Variants in ARHGEF37 observed in about 807,000 individuals in gnomAD.
ARHGEF37 encodes the protein Rho guanine nucleotide exchange factor (GEF) 37.
A neutral mutation model predicts 71.1 loss-of-function variants in ARHGEF37; 55 were observed. That is an observed-to-expected ratio of 0.77 (90% CI 0.62 to 0.97). The LOEUF (loss-of-function observed/expected upper bound fraction) is 0.97. Ranked by LOEUF, ARHGEF37 falls within the 50% of genes least tolerant of loss-of-function variation. The pLI, the probability that ARHGEF37 is intolerant of heterozygous loss-of-function variation, is 0.00. For missense variants in ARHGEF37, 765 were observed against 836.8 expected, an observed-to-expected ratio of 0.91 and a Z score of 1.06; for synonymous variants, 327 against 350.6, an observed-to-expected ratio of 0.93 and a Z score of 0.75.
At chr5:149,555,124 CTG>C (rs1398724284) in intron 1 of ARHGEF37, among the ~76,000 whole-genome samples, 2 of 137,942 alleles carry the variant, frequency 1.4e-5, no homozygotes, top group Non-Finnish European at 3.1e-5. Flanking sequence ...GAGTGAGACT[CTG>C]TCTCAAAAAA....
chr5:149,600,215 T>A (rs1763711881), intron 2 of ARHGEF37, among the ~76,000 whole-genome samples: 1 of 152,222 alleles, frequency 6.6e-6, no homozygotes, highest in African/African-American at 2.4e-5. Flanking sequence ...TCCTATGAGA[T>A]CACCCTGGTA....
chr5:149,575,519 T>C (rs570238447), intron 1 of ARHGEF37, among the ~76,000 whole-genome samples: 1 of 152,152 alleles, frequency 6.6e-6, no homozygotes, highest in Admixed American at 6.5e-5. Context: ...GGGATACTAT[T>C]CTAAGCAATG....
chr5:149,585,984 T>C (rs1763226035), intron 1 of ARHGEF37, among the ~76,000 whole-genome samples: 1 of 152,228 alleles, frequency 6.6e-6, no homozygotes, highest in Non-Finnish European at 1.5e-5. Context: ...TGCCAGTGTT[T>C]GCCCATGTCT....
At chr5:149,593,060 G>A (rs987007251) in intron 1 of ARHGEF37, among the ~76,000 whole-genome samples, 1 of 152,166 alleles carries the variant, frequency 6.6e-6, no homozygotes, top group African/African-American at 2.4e-5. Flanking sequence ...GTAAGCCGCT[G>A]TACCCAGGCA....
At chr5:149,575,769 C>T (rs117898621) in intron 1 of ARHGEF37, among the ~76,000 whole-genome samples, 3,483 of 149,126 alleles carry the variant, frequency 0.023, 136 homozygotes, top group East Asian at 0.19. Context: ...GCAACCTCTG[C>T]CTCCCGGGTT....
Position 149,621,927 on chromosome 5 carries a change from G to A in ARHGEF37, c.1200G>A (p.Ser400=), listed in dbSNP as rs536124415. The A allele has an allele frequency of 5.0e-6, 8 of 1,614,240 alleles. No individual in the cohort carries two copies. In the African/African-American group the frequency reaches 6.7e-5, roughly 13 times the overall value. ...GGCACACATACCAGGCACTCAACTC[G>A]CTGCTAGTGGCTGAGCTCCCACAGT... is the stretch of plus-strand genomic sequence containing the variant. ...AARHTYQALN[S]LLVAELPQFN... Residue 400 remains serine (S), a synonymous_variant, in exon 9 of 13, where the codon TCG becomes TCA. Transcript: ENST00000333677.
At chr5:149,602,345 G>A (rs1260175255) in intron 3 of ARHGEF37, among the ~76,000 whole-genome samples, 3 of 152,116 alleles carry the variant, frequency 2.0e-5, no homozygotes, top group African/African-American at 7.2e-5. Flanking sequence ...GTGAGCCACT[G>A]TGCCCAGCTG....
intron 2 of ARHGEF37, 64 bp from the exon 3 acceptor site, chr5:149,601,044 A>G (rs1763739820): frequency 1.9e-6 from 3 of 1,567,286 alleles, no homozygotes; most frequent in Non-Finnish European, 2.6e-6. Context: ...CCTACTCTCA[A>G]AAGCCTGCAA....
At chr5:149,574,390 TG>T (rs1279880136) in intron 1 of ARHGEF37, among the ~76,000 whole-genome samples, 2 of 152,230 alleles carry the variant, frequency 1.3e-5, no homozygotes, top group Admixed American at 1.3e-4. Flanking sequence ...ACACAGAAGC[TG>T]GAGGATATTG....
intron 1 of ARHGEF37, among the ~76,000 whole-genome samples, chr5:149,568,684 G>A (rs557026115): frequency 6.6e-6 from 1 of 152,064 alleles, no homozygotes; most frequent in African/African-American, 2.4e-5. Context: ...GGCAGCATGT[G>A]CCTATAATCT....
chr5:149,633,052 G>C lies in ARHGEF37; in HGVS notation c.*861G>C, dbSNP rs1752934111. ...GGGAATGGCTTGCTTTCCTGTTTCT[G>C]GTTAGAAGGGGAGCCAGGGGGAACC... On this transcript the variant is annotated 3_prime_UTR_variant, in exon 13 of 13. Transcript: ENST00000333677. 1 of 152,736 alleles carries C rather than the reference G, an allele frequency of 6.5e-6. No homozygotes were observed. The highest frequency in any genetic ancestry group is 1.5e-5 in the Non-Finnish European group (1 of 68,090). The allele number at this position is 152,736 out of a possible 1,614,324, so 9.5% of individuals were successfully genotyped here. A position where few individuals can be genotyped will look rare whatever the true frequency, so the allele number is the denominator to read the frequency against.
chr5:149,601,825 G>A (rs1472161288), intron 3 of ARHGEF37, among the ~76,000 whole-genome samples: 2 of 152,116 alleles, frequency 1.3e-5, no homozygotes, highest in East Asian at 1.9e-4. Flanking sequence ...AGGCCCTGAG[G>A]CAAGGATGAG....
At chr5:149,556,301 C>G (rs1397899053) in intron 1 of ARHGEF37, among the ~76,000 whole-genome samples, 3 of 152,218 alleles carry the variant, frequency 2.0e-5, no homozygotes, top group African/African-American at 7.2e-5. Flanking sequence ...GCAAGTGATT[C>G]TCCTGCCTCA....
intron 6 of ARHGEF37, 76 bp downstream of exon 6, chr5:149,618,382 G>A: frequency 5.0e-6 from 8 of 1,592,096 alleles, no homozygotes; most frequent in Non-Finnish European, 6.8e-6. Flanking sequence ...GTAGACAGGG[G>A]ACTTAGGCTC....
At chr5:149,604,082 G>A (rs927015686) in intron 3 of ARHGEF37, among the ~76,000 whole-genome samples, 1 of 152,312 alleles carries the variant, frequency 6.6e-6, no homozygotes, top group East Asian at 1.9e-4. Context: ...AAGGGTCTAA[G>A]GACTTTGAGC....
intron 1 of ARHGEF37, among the ~76,000 whole-genome samples, chr5:149,558,559 T>G (rs1762783375): frequency 1.3e-5 from 2 of 152,022 alleles, no homozygotes; most frequent in Non-Finnish European, 2.9e-5. Context: ...TCTCACCATA[T>G]TGTTCTGACT....
At position 149,633,298 on chromosome 5, in the gene ARHGEF37, C is replaced by CCCCCGGCATGCTGCCCT. The variant is rs1220539899; in HGVS notation, c.*1112_*1128dup. 2.0e-5 allele frequency: 3 copies of CCCCCGGCATGCTGCCCT among 152,330 alleles called. No homozygotes were observed. The highest frequency in any genetic ancestry group is 4.4e-5 in the Non-Finnish European group (3 of 68,102). 9.4% of individuals were successfully genotyped at this position (152,330 alleles called of 1,614,324 possible). On this transcript the variant is annotated 3_prime_UTR_variant, in exon 13 of 13. Coordinates refer to ENST00000333677, the MANE Select transcript of ARHGEF37 (RefSeq NM_001001669.3). ...AATGACAGCAGTGATCTCGGGGTGG[C>CCCCCGGCATGCTGCCCT]CCCCGGCATGCTGCCCTCCCCCACG...
At chr5:149,587,227 T>C (rs1231149476) in intron 1 of ARHGEF37, among the ~76,000 whole-genome samples, 1 of 152,212 alleles carries the variant, frequency 6.6e-6, no homozygotes, top group African/African-American at 2.4e-5. Flanking sequence ...TTATTCTCAG[T>C]AAGGCTCTGA....
Position 149,597,753 on chromosome 5 carries a change from TC to T in ARHGEF37, c.-11-3del, listed in dbSNP as rs779725949. On this transcript the variant is annotated splice_polypyrimidine_tract_variant and splice_region_variant and intron_variant, in intron 1 of 12. Coordinates refer to ENST00000333677, the MANE Select transcript of ARHGEF37 (RefSeq NM_001001669.3). ...AAGTGAGTGGGGATGCTTTTGCTTT[TC>T]CCAGAACCTGCTGACATGGCCAAGC... is the stretch of plus-strand genomic sequence containing the variant. The T allele has an allele frequency of 6.5e-7, 1 of 1,527,322 alleles. No homozygotes were observed. Among genetic ancestry groups the T allele is most frequent in the Admixed American group, 2.3e-5 (1 of 43,568 alleles). The allele number at this position is 1,527,322 out of a possible 1,614,324, so 94.6% of individuals were successfully genotyped here.
Sources: allele counts gnomAD v4.1 joint callset (sites outside exome capture counted in the v4.1 genomes callset), GRCh38; gene constraint gnomAD v4.1.1; transcripts MANE v1.5; gene names NCBI Gene and HGNC (gene_info 2026-07-23, HGNC 2026-07-21).